The following PDGFC variants were observed in gnomAD, a reference collection of about 807,000 sequenced individuals.
The protein encoded by PDGFC is platelet derived growth factor C, also known as platelet-derived growth factor C.
In PDGFC, 12 loss-of-function variants were observed where a neutral mutation model predicts 35.5. The ratio of observed to expected loss-of-function variants is 0.34; its 90% CI spans 0.22 to 0.55. PDGFC has a LOEUF of 0.55. Ranked by LOEUF, PDGFC falls within the 20% of genes least tolerant of loss-of-function variation. The probability of loss-of-function intolerance (pLI) is 0.91; values close to 1 mark genes in which losing one functional copy is unlikely to be tolerated. For synonymous variants in PDGFC, 159 were observed against 148.8 expected, an observed-to-expected ratio of 1.07 and a Z score of -0.50; for missense variants, 322 against 412.4, an observed-to-expected ratio of 0.78 and a Z score of 1.90.
At chr4:156,864,011 T>C (rs1729777205) in intron 1 of PDGFC, among the ~76,000 whole-genome samples, 1 of 152,076 alleles carries the variant, frequency 6.6e-6, no homozygotes, top group Admixed American at 6.6e-5. Context: ...TTTGTTGTTG[T>C]TGTTTTGGTT....
At chr4:156,793,889 A>C (rs1188896113) in intron 3 of PDGFC, among the ~76,000 whole-genome samples, 3 of 152,008 alleles carry the variant, frequency 2.0e-5, no homozygotes, top group Admixed American at 6.6e-5. Flanking sequence ...ATTCAAGCCA[A>C]ATGTGAAGCA....
At chr4:156,919,908 G>C (rs1731233719) in intron 1 of PDGFC, among the ~76,000 whole-genome samples, 1 of 152,106 alleles carries the variant, frequency 6.6e-6, no homozygotes, top group Non-Finnish European at 1.5e-5. Flanking sequence ...TCTAGTGGGA[G>C]GGGTTTGGAT....
At chr4:156,884,915 A>C (rs567297102) in intron 1 of PDGFC, among the ~76,000 whole-genome samples, 1 of 152,192 alleles carries the variant, frequency 6.6e-6, no homozygotes, top group Non-Finnish European at 1.5e-5. Flanking sequence ...CATATACAAC[A>C]TGGCATCCAG....
chr4:156,938,233 T>C (rs1028723047), intron 1 of PDGFC, among the ~76,000 whole-genome samples: 1 of 152,040 alleles, frequency 6.6e-6, no homozygotes, highest in Non-Finnish European at 1.5e-5. Context: ...GAAAGAAATA[T>C]AGAGATATGT....
chr4:156,766,683 T>C (rs1395480825), intron 5 of PDGFC, among the ~76,000 whole-genome samples: 1 of 152,154 alleles, frequency 6.6e-6, no homozygotes, highest in Admixed American at 6.6e-5. Flanking sequence ...ACTTTTCATA[T>C]GCATAAAGTG....
rs372261333 is a variant in PDGFC, at chr4:156,834,283, G to A, written c.314+15938C>T. On this transcript the variant is annotated intron_variant, in intron 2 of 5. Transcript: ENST00000502773. ...AACTATTATAATCACTTTTTTGGAT[G>A]TTCTTAATCCAGATAAACAGTAGGT... is the stretch of plus-strand genomic sequence containing the variant. Among the ~76,000 whole-genome samples, 12 of 152,208 alleles carry A rather than the reference G, an allele frequency of 7.9e-5. 1 individual carries two copies. The East Asian group carries it at 1.4e-3, about 17-fold the overall frequency.
Position 156,799,116 on chromosome 4 carries a change from C to A in PDGFC, c.495+11721G>T, listed in dbSNP as rs527445484. Among the ~76,000 whole-genome samples the A allele has an allele frequency of 5.9e-5, 9 of 152,242 alleles. No individual in the cohort carries two copies. In the East Asian group the frequency reaches 1.7e-3, roughly 29 times the overall value. ...TCTTAAGCAATCTGCCTTGGAAGAA[C>A]CTAAGATAATTCATGTACTCCTTTA... On this transcript the variant is annotated intron_variant, in intron 3 of 5. Transcript: ENST00000502773.
chr4:156,885,727 C>T (rs575479759), intron 1 of PDGFC, among the ~76,000 whole-genome samples: 18 of 151,968 alleles, frequency 1.2e-4, no homozygotes, highest in Admixed American at 1.1e-3. Context: ...TCCACCTCTA[C>T]AAAAATCACA....
chr4:156,819,546 T>TA (rs1318001411), intron 2 of PDGFC, among the ~76,000 whole-genome samples: 3 of 152,234 alleles, frequency 2.0e-5, no homozygotes, highest in African/African-American at 7.2e-5. Flanking sequence ...CATGGTTTAC[T>TA]AAATATTTTA....
chr4:156,917,603 A>T (rs557206506), intron 1 of PDGFC, among the ~76,000 whole-genome samples: 7 of 152,330 alleles, frequency 4.6e-5, no homozygotes, highest in African/African-American at 1.7e-4. Context: ...CAGATTATAG[A>T]ATCAATATGT....
chr4:156,901,312 G>A (rs956507515), intron 1 of PDGFC, among the ~76,000 whole-genome samples: 2 of 152,102 alleles, frequency 1.3e-5, no homozygotes, highest in East Asian at 3.9e-4. Context: ...TCTCAGCAAG[G>A]AGCAAGCACA....
chr4:156,808,806 G>T (rs1184947390), intron 3 of PDGFC, among the ~76,000 whole-genome samples: 1 of 152,042 alleles, frequency 6.6e-6, no homozygotes, highest in Non-Finnish European at 1.5e-5. Flanking sequence ...AATGAATGTG[G>T]CTGTAAGTAG....
intron 1 of PDGFC, among the ~76,000 whole-genome samples, chr4:156,944,802 C>T (rs1731900372): frequency 1.3e-5 from 2 of 152,238 alleles, no homozygotes; most frequent in East Asian, 3.9e-4. Context: ...TGCTCCCCTA[C>T]AGTGTATTCT....
intron 2 of PDGFC, among the ~76,000 whole-genome samples, chr4:156,827,744 C>T (rs1011855151): frequency 6.6e-6 from 1 of 152,102 alleles, no homozygotes; most frequent in Admixed American, 6.5e-5. Flanking sequence ...CACACACATA[C>T]CCATTACTAC....
chr4:156,939,169 T>C (rs1420312385), intron 1 of PDGFC, among the ~76,000 whole-genome samples: 1 of 152,218 alleles, frequency 6.6e-6, no homozygotes, highest in East Asian at 1.9e-4. Context: ...TTAATTTACA[T>C]ATCGTTTTTT....
chr4:156,781,459 A>T (rs1208968975), intron 3 of PDGFC, among the ~76,000 whole-genome samples: 1 of 152,202 alleles, frequency 6.6e-6, no homozygotes, highest in Non-Finnish European at 1.5e-5. Context: ...CTGCTTTTAA[A>T]TTTCAAACTT....
intron 1 of PDGFC, among the ~76,000 whole-genome samples, chr4:156,921,797 T>C (rs1335129226): frequency 1.3e-5 from 2 of 152,106 alleles, no homozygotes; most frequent in East Asian, 1.9e-4. Context: ...TCTACTGATG[T>C]GCATTTCCTT....
At chr4:156,885,510 T>C (rs1730355467) in intron 1 of PDGFC, among the ~76,000 whole-genome samples, 1 of 152,230 alleles carries the variant, frequency 6.6e-6, no homozygotes, top group East Asian at 1.9e-4. Context: ...AATTTAAATA[T>C]CAATGTCTAT....
intron 3 of PDGFC, among the ~76,000 whole-genome samples, chr4:156,804,451 G>T (rs1015289228): frequency 6.6e-6 from 1 of 151,742 alleles, no homozygotes; most frequent in African/African-American, 2.4e-5. Context: ...ATACTGAATA[G>T]CTCCTGGACT....
Sources: allele counts gnomAD v4.1 joint callset (sites outside exome capture counted in the v4.1 genomes callset), GRCh38; gene constraint gnomAD v4.1.1; transcripts MANE v1.5; gene names NCBI Gene and HGNC (gene_info 2026-07-23, HGNC 2026-07-21).